The following USP6NL variants were observed in gnomAD, a reference collection of about 807,000 sequenced individuals.
USP6NL encodes the protein USP6 N-terminal-like protein.
A neutral mutation model predicts 61.9 loss-of-function variants in USP6NL; 26 were observed. That is an observed-to-expected ratio of 0.42 (90% CI 0.31 to 0.58). The LOEUF (loss-of-function observed/expected upper bound fraction) is 0.58, where lower values mean the gene tolerates loss of function less well. USP6NL is among the 20% of genes least tolerant of loss of function. The pLI, the probability that USP6NL is intolerant of heterozygous loss-of-function variation, is 0.16. For synonymous variants in USP6NL, 432 were observed against 390.1 expected (o/e 1.11, Z -1.27); for missense variants, 1,114 against 1,034.3 (o/e 1.08, Z -1.06).
intron 2 of USP6NL, among the ~76,000 whole-genome samples, chr10:11,546,422 G>C (rs1249179941): frequency 6.6e-6 from 1 of 152,010 alleles, no homozygotes; most frequent in East Asian, 1.9e-4. Flanking sequence ...TATTTTTTCA[G>C]ACGGAGTCTT....
Position 11,541,544 on chromosome 10 carries a change from G to A in USP6NL, c.5-13977C>T, listed in dbSNP as rs116559200. On this transcript the variant is annotated intron_variant, in intron 2 of 14. Coordinates refer to ENST00000609104, the MANE Select transcript of USP6NL (RefSeq NM_014688.5). Reference sequence around the variant, plus strand: ...AAGAAGGCTTTGAATAAATAAAATCGCAAGCAAATGAACAAAGGCTTAACA... The same window carrying A: ...AAGAAGGCTTTGAATAAATAAAATCACAAGCAAATGAACAAAGGCTTAACA... 8.0e-3 allele frequency among the ~76,000 whole-genome samples: 1,212 copies of A among 151,986 alleles called. 12 individuals carry two copies. The highest frequency in any genetic ancestry group is 0.027 in the African/African-American group (1,118 of 41,454).
intron 2 of USP6NL, among the ~76,000 whole-genome samples, chr10:11,577,100 C>CA (rs1004527251): frequency 6.6e-6 from 1 of 150,376 alleles, no homozygotes; most frequent in Non-Finnish European, 1.5e-5. Flanking sequence ...CTCTGTCACC[C>CA]AGGCTGGAGT....
chr10:11,547,515 T>C (rs1426156669), intron 2 of USP6NL, among the ~76,000 whole-genome samples: 1 of 151,974 alleles, frequency 6.6e-6, no homozygotes, highest in Non-Finnish European at 1.5e-5. Flanking sequence ...AGATCACATT[T>C]AATCAAGCTC....
At chr10:11,497,599 C>T (rs968000527) in intron 7 of USP6NL, among the ~76,000 whole-genome samples, 9 of 152,004 alleles carry the variant, frequency 5.9e-5, no homozygotes, top group Admixed American at 1.3e-4. Flanking sequence ...AAGACCCAAA[C>T]GCATCTATAG....
chr10:11,535,172 G>A (rs925677539), intron 2 of USP6NL, among the ~76,000 whole-genome samples: 1 of 152,182 alleles, frequency 6.6e-6, no homozygotes, highest in Non-Finnish European at 1.5e-5. Context: ...GAGGCAATGG[G>A]CCCTGTTTGT....
At chr10:11,492,498 A>T (rs1248834909) in intron 8 of USP6NL, among the ~76,000 whole-genome samples, 1 of 152,270 alleles carries the variant, frequency 6.6e-6, no homozygotes, top group African/African-American at 2.4e-5. Flanking sequence ...GCCTGTGGCC[A>T]GCAGCTTCAG....
chr10:11,571,125 C>T (rs1010646797), intron 2 of USP6NL, among the ~76,000 whole-genome samples: 1 of 151,508 alleles, frequency 6.6e-6, no homozygotes, highest in East Asian at 1.9e-4. Flanking sequence ...CTCTTGTTGC[C>T]CAAGCTGGAG....
rs558557739 is a variant in USP6NL, at chr10:11,553,281, T to G, written c.5-25714A>C. Reference sequence around the variant, plus strand: ...CCAAGTGTGATCTATTGGGATCATTTGGCAGGCATGTCGCAAGTAACTTGC... The same window carrying G: ...CCAAGTGTGATCTATTGGGATCATTGGGCAGGCATGTCGCAAGTAACTTGC... On this transcript the variant is annotated intron_variant, in intron 2 of 14. Transcript: ENST00000609104. This position sits in a 1 kb window ranked among gnomAD's most constrained non-coding sequence, Gnocchi z 4.8. 4.6e-5 allele frequency among the ~76,000 whole-genome samples: 7 copies of G among 152,324 alleles called. No homozygotes were observed. In the South Asian group the frequency reaches 1.2e-3, roughly 27 times the overall value.
intron 2 of USP6NL, among the ~76,000 whole-genome samples, chr10:11,578,272 T>C (rs1370614931): frequency 6.6e-6 from 1 of 152,226 alleles, no homozygotes; most frequent in African/African-American, 2.4e-5. Flanking sequence ...CCCAACCTCA[T>C]CTGTAATTTA....
chr10:11,579,967 G>GGGGT (rs1566195867), intron 2 of USP6NL, among the ~76,000 whole-genome samples: 1 of 147,930 alleles, frequency 6.8e-6, no homozygotes, highest in African/African-American at 2.4e-5. Context: ...GAGTGGCGGG[G>GGGGT]GGGGGGCAGC....
In USP6NL at chr10:11,525,349, T is replaced by G; in HGVS notation, c.155+37A>C. The G allele has an allele frequency of 2.6e-6, 4 of 1,521,996 alleles. No homozygotes were observed. Among genetic ancestry groups the G allele is most frequent in the Non-Finnish European group, 2.7e-6 (3 of 1,122,570 alleles). 94.3% of individuals were successfully genotyped at this position (1,521,996 alleles called of 1,614,324 possible). On this transcript the variant is annotated intron_variant, in intron 4 of 14. Transcript: ENST00000609104. The surrounding 1 kb of genome is among the most constrained non-coding windows in gnomAD (Gnocchi z 5.0). ...ATAATAGGTGACCACAGAAACGTTATAATCTAAAAAGCAAGCTTTCAATCT... is the reference window on the plus strand; with the variant it reads ...ATAATAGGTGACCACAGAAACGTTAGAATCTAAAAAGCAAGCTTTCAATCT...
In USP6NL at chr10:11,592,513, C is replaced by T. The variant is rs888232146; in HGVS notation, c.4+5118G>A. The stretch of plus-strand genomic sequence containing the variant: ...GAATAACATTTAGAACTTTATATTC[C>T]CAAATCTAAATTTATCAAACATAAA... On this transcript the variant is annotated intron_variant, in intron 2 of 14. Transcript: ENST00000609104. The surrounding 1 kb of genome is among the most constrained non-coding windows in gnomAD (Gnocchi z 4.7). 2.0e-5 allele frequency among the ~76,000 whole-genome samples: 3 copies of T among 152,026 alleles called. No homozygotes were observed. Among genetic ancestry groups the T allele is most frequent in the African/African-American group, 7.2e-5 (3 of 41,396 alleles).
chr10:11,603,621 T>C (rs1243209424), intron 1 of USP6NL, among the ~76,000 whole-genome samples: 1 of 152,164 alleles, frequency 6.6e-6, no homozygotes, highest in Non-Finnish European at 1.5e-5. Context: ...AAAATCTATA[T>C]CTAATTGGAT....
Position 11,531,210 on chromosome 10 carries a change from T to C in USP6NL, c.5-3643A>G, listed in dbSNP as rs1835642717. Among the ~76,000 whole-genome samples, 4 of 152,244 alleles carry C rather than the reference T, an allele frequency of 2.6e-5. No homozygotes were observed. The South Asian group carries it at 8.3e-4, about 31-fold the overall frequency. On this transcript the variant is annotated intron_variant, in intron 2 of 14. Coordinates refer to ENST00000609104, the MANE Select transcript of USP6NL (RefSeq NM_014688.5). ...AATACAATACCACTTGTTGCCAAAA[T>C]ATTACAGTAATTAAAGAGTAATCAG...
chr10:11,505,948 C>A (rs753961167), intron 6 of USP6NL, among the ~76,000 whole-genome samples: 12 of 152,194 alleles, frequency 7.9e-5, no homozygotes, highest in Non-Finnish European at 1.6e-4. Flanking sequence ...AGCAACAGGT[C>A]TCCCAAATCT....
Position 11,487,271 on chromosome 10 carries a change from A to AAGTGAAACCACCTTCAC in USP6NL, c.665-1377_665-1361dup. ...CTTAGCTTCAATTCCACACATTTATAAGTGAAACCACCTTCACACTAGAAA... is the reference window on the plus strand; with the variant it reads ...CTTAGCTTCAATTCCACACATTTATAAGTGAAACCACCTTCACAGTGAAACCACCTTCACACTAGAAA... On this transcript the variant is annotated intron_variant, in intron 10 of 14. Coordinates refer to ENST00000609104, the MANE Select transcript of USP6NL (RefSeq NM_014688.5). This position sits in a 1 kb window ranked among gnomAD's most constrained non-coding sequence, Gnocchi z 4.2. Among the ~76,000 whole-genome samples, 1 of 152,332 alleles carries AAGTGAAACCACCTTCAC rather than the reference A, an allele frequency of 6.6e-6. No individual in the cohort carries two copies. The highest frequency in any genetic ancestry group is 1.9e-4 in the East Asian group (1 of 5,186).
chr10:11,550,593 T>C (rs531924839), intron 2 of USP6NL, among the ~76,000 whole-genome samples: 5 of 151,842 alleles, frequency 3.3e-5, no homozygotes, highest in African/African-American at 1.2e-4. Flanking sequence ...CTATCTCTAC[T>C]AAAAATACAA....
rs1400851178 is a variant in USP6NL at position 11,596,930 on chromosome 10, A to C, written c.4+701T>G. Among the ~76,000 whole-genome samples, 1 of 152,198 alleles carries C rather than the reference A, an allele frequency of 6.6e-6. No homozygotes were observed. The highest frequency in any genetic ancestry group is 1.5e-5 in the Non-Finnish European group (1 of 68,026). On this transcript the variant is annotated intron_variant, in intron 2 of 14. Transcript: ENST00000609104. The surrounding 1 kb of genome is among the most constrained non-coding windows in gnomAD (Gnocchi z 4.1). ...TAAACTCTAATATCATCTTCCAATA[A>C]GAAAATGCTCATTGCATCCCAAAGA...
chr10:11,572,252 T>C lies in USP6NL; in HGVS notation c.4+25379A>G, dbSNP rs1214977718. On this transcript the variant is annotated intron_variant, in intron 2 of 14. Transcript: ENST00000609104. ...TTAACTAATTTATATTCTCTGGAAATAGTAAAAGCTATTTTCTTTAAATAC... is the reference window on the plus strand; with the variant it reads ...TTAACTAATTTATATTCTCTGGAAACAGTAAAAGCTATTTTCTTTAAATAC... 4.6e-5 allele frequency among the ~76,000 whole-genome samples: 7 copies of C among 152,166 alleles called. No homozygotes were observed. In the South Asian group the frequency reaches 1.0e-3, roughly 23 times the overall value.
Sources: gnomAD v4.1 joint callset for allele counts (sites outside exome capture counted in the v4.1 genomes callset) on GRCh38, gnomAD v4.1.1 for gene constraint, Gnocchi (gnomAD v3.1) non-coding constraint, MANE v1.5 for transcripts, NCBI Gene and HGNC (gene_info 2026-07-23, HGNC 2026-07-21) for gene names.